The following RBFOX1 variants were observed in gnomAD, a reference collection of about 807,000 sequenced individuals.
RBFOX1 encodes RNA binding fox-1 homolog 1, also known as RNA binding protein fox-1 homolog 1.
In RBFOX1, 8 loss-of-function variants were observed where a neutral mutation model predicts 57.7. The observed-to-expected ratio is 0.14, with a 90% CI of 0.08 to 0.25. The LOEUF is 0.25. RBFOX1 is among the 10% of genes least tolerant of loss of function. The pLI, the probability that RBFOX1 is intolerant of heterozygous loss-of-function variation, is 1.00. For synonymous variants in RBFOX1, 326 were observed against 222.4 expected, an observed-to-expected ratio of 1.47 and a Z score of -4.15; for missense variants, 611 against 548.5, an observed-to-expected ratio of 1.11 and a Z score of -1.14.
At chr16:7,393,194 C>T (rs935930236) in intron 4 of RBFOX1, among the ~76,000 whole-genome samples, 1 of 152,066 alleles carries the variant, frequency 6.6e-6, no homozygotes, top group Non-Finnish European at 1.5e-5. Flanking sequence ...ATTTTTATTG[C>T]TCCTTGCATA....
chr16:5,744,595 G>C (rs1054525789), intron 3 of RBFOX1, among the ~76,000 whole-genome samples: 6 of 152,090 alleles, frequency 3.9e-5, no homozygotes, highest in Non-Finnish European at 7.4e-5. Flanking sequence ...ATGTAAATCA[G>C]GGCTTTTTGT....
chr16:6,891,044 C>T (rs1028282364), intron 3 of RBFOX1, among the ~76,000 whole-genome samples: 1 of 152,102 alleles, frequency 6.6e-6, no homozygotes, highest in Admixed American at 6.6e-5. Flanking sequence ...CGTCTGATTC[C>T]CCTTCATGTT....
chr16:6,635,051 A>C (rs2098420769), intron 2 of RBFOX1, among the ~76,000 whole-genome samples: 1 of 137,274 alleles, frequency 7.3e-6, no homozygotes. Context: ...ATATTTTAAT[A>C]GTTTAAATAT....
chr16:5,481,095 G>A (rs1385931064), intron 2 of RBFOX1, among the ~76,000 whole-genome samples: 2 of 152,246 alleles, frequency 1.3e-5, no homozygotes, highest in Non-Finnish European at 2.9e-5. Flanking sequence ...ACTGTTGGAA[G>A]TGAAGGAGTT....
intron 1 of RBFOX1, among the ~76,000 whole-genome samples, chr16:6,060,520 T>A (rs1293364744): frequency 6.6e-6 from 1 of 152,054 alleles, no homozygotes; most frequent in African/African-American, 2.4e-5. Flanking sequence ...TTTCACAGAG[T>A]GTATTTTCAG....
intron 3 of RBFOX1, among the ~76,000 whole-genome samples, chr16:6,741,023 C>T (rs186580719): frequency 2.1e-4 from 32 of 152,144 alleles, no homozygotes; most frequent in Non-Finnish European, 7.4e-5. Context: ...GATGTAGACA[C>T]CTAAATCAAT....
intron 4 of RBFOX1, among the ~76,000 whole-genome samples, chr16:7,482,891 G>T (rs138128047): frequency 3.9e-5 from 6 of 152,122 alleles, no homozygotes; most frequent in African/African-American, 1.2e-4. Flanking sequence ...AAGACTGAGA[G>T]GGGGGCAGCT....
chr16:7,287,650 G>A (rs2095676249), intron 4 of RBFOX1, among the ~76,000 whole-genome samples: 1 of 152,114 alleles, frequency 6.6e-6, no homozygotes, highest in Non-Finnish European at 1.5e-5. Context: ...AACTTGGATT[G>A]ATTGACAATT....
At chr16:6,204,492 C>T (rs1420315067) in intron 1 of RBFOX1, among the ~76,000 whole-genome samples, 3 of 152,076 alleles carry the variant, frequency 2.0e-5, no homozygotes, top group African/African-American at 4.8e-5. Context: ...GAAATCCATC[C>T]CACCAACAAA....
chr16:6,604,620 G>C (rs1399779850), intron 2 of RBFOX1, among the ~76,000 whole-genome samples: 2 of 152,120 alleles, frequency 1.3e-5, no homozygotes, highest in Admixed American at 6.6e-5. Context: ...GTTGTATATG[G>C]GTACTGAGTA....
chr16:6,563,846 ATG>A (rs774476004), intron 2 of RBFOX1, among the ~76,000 whole-genome samples: 4 of 150,552 alleles, frequency 2.7e-5, no homozygotes, highest in East Asian at 2.0e-4. Context: ...ATATATATAT[ATG>A]TGTGTGTGTG....
At chr16:6,616,019 A>G (rs963151264) in intron 2 of RBFOX1, among the ~76,000 whole-genome samples, 2 of 152,122 alleles carry the variant, frequency 1.3e-5, no homozygotes, top group Non-Finnish European at 2.9e-5. Context: ...AGACGCAGGG[A>G]CACTGCCCAG....
rs371313701 is a variant in RBFOX1, at chr16:6,582,998, T to TCTCTC, written c.-63-71594_-63-71590dup. On this transcript the variant is annotated intron_variant, in intron 2 of 15. Transcript: ENST00000550418. ...TCTGGACCTCCCTCTTCCTCACTCT[T>TCTCTC]CTCTCCTCTCCTCTCTTGTCTCTTG... Among the ~76,000 whole-genome samples the TCTCTC allele has an allele frequency of 2.3e-3, 351 of 150,076 alleles. 5 individuals carry two copies. In the Middle Eastern group the frequency reaches 0.037, roughly 16 times the overall value.
intron 3 of RBFOX1, among the ~76,000 whole-genome samples, chr16:6,726,993 C>T (rs985471971): frequency 6.8e-6 from 1 of 146,052 alleles, no homozygotes; most frequent in African/African-American, 2.5e-5. Context: ...CAGTGCAGAC[C>T]CAGAGAAATA....
At chr16:6,611,038 T>C (rs1424577650) in intron 2 of RBFOX1, among the ~76,000 whole-genome samples, 1 of 152,176 alleles carries the variant, frequency 6.6e-6, no homozygotes, top group African/African-American at 2.4e-5. Flanking sequence ...GTGTATGTTA[T>C]TGTGGAAATA....
intron 2 of RBFOX1, among the ~76,000 whole-genome samples, chr16:6,354,824 T>TTAACTACTGA (rs2086998005): frequency 6.6e-6 from 1 of 152,196 alleles, no homozygotes; most frequent in Admixed American, 6.5e-5. Context: ...AAGATGCTCA[T>TTAACTACTGA]TAACTACTGA....
intron 2 of RBFOX1, among the ~76,000 whole-genome samples, chr16:6,559,249 A>G (rs1159088616): frequency 6.6e-6 from 1 of 152,034 alleles, no homozygotes; most frequent in Admixed American, 6.6e-5. Flanking sequence ...CTTATAACCA[A>G]AAGTGTCTAA....
chr16:6,829,907 TTTTTA>T (rs1461100527), intron 3 of RBFOX1, among the ~76,000 whole-genome samples: 1 of 151,504 alleles, frequency 6.6e-6, no homozygotes, highest in Non-Finnish European at 1.5e-5. Flanking sequence ...CAGCCCTTTA[TTTTTA>T]TTTTATTTTT....
chr16:5,774,445 G>A (rs1279550263), intron 3 of RBFOX1, among the ~76,000 whole-genome samples: 1 of 152,192 alleles, frequency 6.6e-6, no homozygotes, highest in Non-Finnish European at 1.5e-5. Flanking sequence ...AAACACACAG[G>A]TAATGTCAAC....
Sources: gnomAD v4.1 joint callset for allele counts (sites outside exome capture counted in the v4.1 genomes callset) on GRCh38, gnomAD v4.1.1 for gene constraint, MANE v1.5 for transcripts, NCBI Gene and HGNC (gene_info 2026-07-23, HGNC 2026-07-21) for gene names.